The following RAI1 variants were observed in gnomAD, a reference collection of about 807,000 sequenced individuals.
RAI1 encodes the protein retinoic acid-induced protein 1.
RAI1 carries 9 observed loss-of-function variants against 123.8 expected under a neutral mutation model. The ratio of observed to expected loss-of-function variants is 0.07; its 90% CI spans 0.04 to 0.13. The LOEUF (loss-of-function observed/expected upper bound fraction) is 0.13. Among genes scored for constraint, RAI1 ranks in the 10% least tolerant of loss-of-function variants. The pLI is 1.00. For synonymous variants in RAI1, 1,231 were observed against 1,127.3 expected, an observed-to-expected ratio of 1.09 and a Z score of -1.84; for missense variants, 2,256 against 2,545.8, an observed-to-expected ratio of 0.89 and a Z score of 2.45.
chr17:17,735,414 C>T (rs1201635472), intron 2 of RAI1, among the ~76,000 whole-genome samples: 1 of 145,190 alleles, frequency 6.9e-6, no homozygotes, highest in Admixed American at 7.1e-5. Context: ...AGTGCAGTGG[C>T]GCGATCTTGG....
In RAI1 at chr17:17,793,707, C is replaced by A. The variant is rs568562677; in HGVS notation, c.759C>A (p.Ala253=). The change falls in exon 3 of 6, where the codon GCC becomes GCA. Residue 253 remains alanine, a synonymous_variant. Transcript: ENST00000353383. ...AGCCCCATGACAGGCCGCTGACTGC[C>A]AGCTCCAGCCTGGCCCCGGGGCAGC... The part of the protein sequence containing the change: ...TAQPHDRPLT[A]SSSLAPGQRV... 6.2e-7 allele frequency: 1 copy of A among 1,613,064 alleles called. No individual in the cohort carries two copies. Among genetic ancestry groups the A allele is most frequent in the South Asian group, 1.1e-5 (1 of 91,082 alleles).
In RAI1 at chr17:17,794,073, G is replaced by A. The variant is rs2032135032; in HGVS notation, c.1125G>A (p.Gln375=). Residue 375 remains glutamine, a synonymous_variant, in exon 3 of 6, where the codon CAG becomes CAA. Transcript: ENST00000353383. ...TGGAGAACTTTCCCTACAGCCAGCAGCCGCTCAGCACCGGGGCCTTCCCCG... is the reference window on the plus strand; with the variant it reads ...TGGAGAACTTTCCCTACAGCCAGCAACCGCTCAGCACCGGGGCCTTCCCCG... ...PNLENFPYSQ[Q]PLSTGAFPAG... The A allele has an allele frequency of 6.2e-7, 1 of 1,613,926 alleles. No homozygotes were observed. Among genetic ancestry groups the A allele is most frequent in the Non-Finnish European group, 8.5e-7 (1 of 1,180,044 alleles).
Position 17,808,404 on chromosome 17 carries a change from ATTTTATTTTATTATTTTATT to A in RAI1, c.5660-983_5660-964del, listed in dbSNP as rs1435937598. On this transcript the variant is annotated intron_variant, in intron 4 of 5. Coordinates refer to ENST00000353383, the MANE Select transcript of RAI1 (RefSeq NM_030665.4). Reference sequence around the variant, plus strand: ...TTATTTTATTATTTTATTTTATTTTATTTTATTTTATTATTTTATTTTATTTTATTTTATTTTATTTTATT... The same window carrying A: ...TTATTTTATTATTTTATTTTATTTTATTATTTTATTTTATTTTATTTTATT... 1.9e-4 allele frequency among the ~76,000 whole-genome samples: 20 copies of A among 103,142 alleles called. No individual in the cohort carries two copies. The East Asian group carries it at 2.8e-3, about 14-fold the overall frequency. 67.7% of individuals were successfully genotyped at this position (103,142 alleles called of 152,430 possible). A position where few individuals can be genotyped will look rare whatever the true frequency, so the allele number is the denominator to read the frequency against.
intron 2 of RAI1, among the ~76,000 whole-genome samples, chr17:17,769,376 G>A (rs890112433): frequency 1.3e-5 from 2 of 152,374 alleles, no homozygotes; most frequent in African/African-American, 2.4e-5. Flanking sequence ...GGGACAGCCC[G>A]GGTCGGATCT....
At chr17:17,749,125 C>T (rs1001419197) in intron 2 of RAI1, among the ~76,000 whole-genome samples, 8 of 152,236 alleles carry the variant, frequency 5.3e-5, no homozygotes, top group African/African-American at 1.2e-4. Flanking sequence ...GGCTGAATGG[C>T]GGCCAGCATC....
intron 4 of RAI1, among the ~76,000 whole-genome samples, chr17:17,805,971 G>A (rs533406613): frequency 1.3e-5 from 2 of 152,336 alleles, no homozygotes; most frequent in African/African-American, 2.4e-5. Flanking sequence ...ACAGCATGGC[G>A]TGGACAGTCC....
intron 1 of RAI1, among the ~76,000 whole-genome samples, chr17:17,700,462 C>G (rs1915182269): frequency 6.6e-6 from 1 of 151,960 alleles, no homozygotes. Context: ...TGGCCGCCAT[C>G]AAAGCGTCTT....
At position 17,810,088 on chromosome 17, in the gene RAI1, G is replaced by A; in HGVS notation, c.*107G>A. The A allele has an allele frequency of 7.0e-7, 1 of 1,436,628 alleles. No individual in the cohort carries two copies. The highest frequency in any genetic ancestry group is 2.5e-5 in the East Asian group (1 of 39,886). The allele number at this position is 1,436,628 out of a possible 1,614,324, so 89.0% of individuals were successfully genotyped here. A position where few individuals can be genotyped will look rare whatever the true frequency, so the allele number is the denominator to read the frequency against. On this transcript the variant is annotated 3_prime_UTR_variant, in exon 6 of 6. Transcript: ENST00000353383. The surrounding 1 kb of genome is among the most constrained non-coding windows in gnomAD (Gnocchi z 4.6). ...CCCGGGCCTTTGAGCTGCTCCCAGC[G>A]CTGGTCCAGAGCCGATCCTTGATCC...
chr17:17,761,285 G>C (rs1203178039), intron 2 of RAI1, among the ~76,000 whole-genome samples: 5 of 151,896 alleles, frequency 3.3e-5, no homozygotes, highest in Non-Finnish European at 7.4e-5. Flanking sequence ...CCAAGGAAGT[G>C]GGGGTGGCAG....
At chr17:17,787,357 G>A (rs1416991522) in intron 2 of RAI1, among the ~76,000 whole-genome samples, 4 of 152,154 alleles carry the variant, frequency 2.6e-5, no homozygotes, top group Admixed American at 6.5e-5. Flanking sequence ...AACTGTCTGC[G>A]ACCCAGCAAT....
At chr17:17,698,284 T>A (rs1915101375) in intron 1 of RAI1, among the ~76,000 whole-genome samples, 1 of 152,200 alleles carries the variant, frequency 6.6e-6, no homozygotes, top group Admixed American at 6.5e-5. Flanking sequence ...GCTTAGGGCA[T>A]TGGGCTGGGG....
At chr17:17,720,699 G>T (rs1321529906) in intron 1 of RAI1, among the ~76,000 whole-genome samples, 1 of 152,192 alleles carries the variant, frequency 6.6e-6, no homozygotes, top group Non-Finnish European at 1.5e-5. Flanking sequence ...GTGTTGCTGT[G>T]GTCTTGGCAA....
At chr17:17,789,845 G>T (rs537763849) in intron 2 of RAI1, among the ~76,000 whole-genome samples, 2 of 152,188 alleles carry the variant, frequency 1.3e-5, no homozygotes, top group African/African-American at 4.8e-5. Flanking sequence ...AGTGGGGACC[G>T]TCCGGGCAGT....
intron 1 of RAI1, chr17:17,684,640 T>C (rs1040521630): frequency 6.7e-6 from 1 of 149,668 alleles, no homozygotes; most frequent in Non-Finnish European, 1.5e-5. Context: ...TTTGAACGTA[T>C]CCTTCCAGAC....
At position 17,714,103 on chromosome 17, in the gene RAI1, G is replaced by A. The variant is rs1049105095; in HGVS notation, c.-148-9925G>A. On this transcript the variant is annotated intron_variant, in intron 1 of 5. Transcript: ENST00000353383. The surrounding 1 kb of genome is among the most constrained non-coding windows in gnomAD (Gnocchi z 4.9). ...CCGCAGGTTGCTCACCACCTCCCGA[G>A]CAGCTCCCTCCTTCCATTTCTGGGC... Among the ~76,000 whole-genome samples, 1 of 152,122 alleles carries A rather than the reference G, an allele frequency of 6.6e-6. No individual in the cohort carries two copies. The highest frequency in any genetic ancestry group is 2.4e-5 in the African/African-American group (1 of 41,412).
chr17:17,752,488 C>T (rs2030234105), intron 2 of RAI1, among the ~76,000 whole-genome samples: 1 of 152,184 alleles, frequency 6.6e-6, no homozygotes, highest in South Asian at 2.1e-4. Flanking sequence ...AACAGCCGCC[C>T]CGGGAGCCTG....
intron 2 of RAI1, among the ~76,000 whole-genome samples, chr17:17,726,749 G>A (rs1232089854): frequency 3.3e-5 from 5 of 152,050 alleles, no homozygotes; most frequent in African/African-American, 1.2e-4. Context: ...AGAAAAATAA[G>A]GTTATTGACA....
At chr17:17,722,323 G>C (rs1915906413) in intron 1 of RAI1, among the ~76,000 whole-genome samples, 1 of 152,172 alleles carries the variant, frequency 6.6e-6, no homozygotes, top group South Asian at 2.1e-4. Flanking sequence ...AGAGGGGCGG[G>C]CCAGCTGAGC....
chr17:17,783,942 C>T (rs1241067353), intron 2 of RAI1, among the ~76,000 whole-genome samples: 1 of 152,216 alleles, frequency 6.6e-6, no homozygotes, highest in African/African-American at 2.4e-5. Context: ...CAGAATACTC[C>T]ACCAGCTGAC....
Sources: allele counts gnomAD v4.1 joint callset (sites outside exome capture counted in the v4.1 genomes callset), GRCh38; gene constraint gnomAD v4.1.1; non-coding constraint Gnocchi (gnomAD v3.1); transcripts MANE v1.5; gene names NCBI Gene and HGNC (gene_info 2026-07-23, HGNC 2026-07-21).